ACOT7: variants seen among roughly 807,000 people sequenced by gnomAD.
ACOT7 encodes acyl-CoA thioesterase 7.
In ACOT7, 12 loss-of-function variants were observed where a neutral mutation model predicts 40.2. The observed-to-expected ratio is 0.30, with a 90% CI of 0.19 to 0.48. ACOT7 has a LOEUF of 0.48. Among genes scored for constraint, ACOT7 ranks in the 20% least tolerant of loss-of-function variants. The probability of loss-of-function intolerance (pLI) is 0.99; values close to 1 mark genes in which losing one functional copy is unlikely to be tolerated. For synonymous variants in ACOT7, 228 were observed against 219.5 expected (o/e 1.04, Z -0.34); for missense variants, 395 against 530.8 (o/e 0.74, Z 2.51).
At chr1:6,291,969 C>G (rs991132515) in intron 7 of ACOT7, among the ~76,000 whole-genome samples, 7 of 152,194 alleles carry the variant, frequency 4.6e-5, no homozygotes, top group African/African-American at 1.7e-4. Context: ...CATGATGACC[C>G]TGCTCTGACA....
chr1:6,353,881 G>C (rs1486767621), intron 1 of ACOT7, among the ~76,000 whole-genome samples: 3 of 152,054 alleles, frequency 2.0e-5, no homozygotes, highest in Non-Finnish European at 2.9e-5. Flanking sequence ...AGCTGCCCAG[G>C]GTGGGGCCTT....
chr1:6,266,467 A>T (rs1353743127), intron 8 of ACOT7, among the ~76,000 whole-genome samples: 4 of 152,258 alleles, frequency 2.6e-5, no homozygotes, highest in Non-Finnish European at 5.9e-5. Flanking sequence ...CCAGTCTTGT[A>T]AATGCAGATT....
intron 1 of ACOT7, among the ~76,000 whole-genome samples, chr1:6,363,810 C>T (rs910335692): frequency 6.6e-6 from 1 of 152,138 alleles, no homozygotes; most frequent in African/African-American, 2.4e-5. Context: ...TGGTAGTTGT[C>T]CCCCGGGCCC....
chr1:6,309,282 C>A (rs555397846), intron 6 of ACOT7, among the ~76,000 whole-genome samples: 9 of 152,266 alleles, frequency 5.9e-5, no homozygotes, highest in African/African-American at 2.2e-4. Context: ...GCTCTGATGG[C>A]CCAAACTTTA....
At chr1:6,390,891 G>A (rs978605380) in intron 1 of ACOT7, among the ~76,000 whole-genome samples, 29 of 152,198 alleles carry the variant, frequency 1.9e-4, no homozygotes, top group Middle Eastern at 3.4e-3. Context: ...AGCTGAGATC[G>A]TGCCATTGCA....
rs1442609863 is a variant in ACOT7 at position 6,299,279 on chromosome 1, G to A, written c.713-4299C>T. Reference sequence around the variant, plus strand: ...GGCAGCTGCTATCATGGGATGTGGGGATTTGGTGGACATCTGTTGAGCTGA... The same window carrying A: ...GGCAGCTGCTATCATGGGATGTGGGAATTTGGTGGACATCTGTTGAGCTGA... On this transcript the variant is annotated intron_variant, in intron 6 of 8. Transcript: ENST00000361521. The surrounding 1 kb of genome is among the most constrained non-coding windows in gnomAD (Gnocchi z 4.1). Among the ~76,000 whole-genome samples, 12 of 152,260 alleles carry A rather than the reference G, an allele frequency of 7.9e-5. No individual in the cohort carries two copies. The highest frequency in any genetic ancestry group is 1.9e-4 in the African/African-American group (8 of 41,470).
Position 6,297,426 on chromosome 1 carries a change from G to A in ACOT7, c.713-2446C>T, listed in dbSNP as rs146965807. ...GCGAAAACCAGACTTGTACAGTCACGTTTAGGGTGGGAATCAAATGCCCAC... is the reference window on the plus strand; with the variant it reads ...GCGAAAACCAGACTTGTACAGTCACATTTAGGGTGGGAATCAAATGCCCAC... On this transcript the variant is annotated intron_variant, in intron 6 of 8. Coordinates refer to ENST00000361521, the MANE Select transcript of ACOT7 (RefSeq NM_007274.4). Among the ~76,000 whole-genome samples, 144 of 152,296 alleles carry A rather than the reference G, an allele frequency of 9.5e-4. 1 individual carries two copies. Among genetic ancestry groups the A allele is most frequent in the African/African-American group, 3.0e-3 (124 of 41,554 alleles).
chr1:6,287,079 C>T (rs893539262), intron 7 of ACOT7, among the ~76,000 whole-genome samples: 1 of 152,248 alleles, frequency 6.6e-6, no homozygotes, highest in Admixed American at 6.5e-5. Flanking sequence ...AGCCACCGCG[C>T]CCAGCTTAAC....
intron 1 of ACOT7, among the ~76,000 whole-genome samples, chr1:6,377,545 T>C (rs1203862198): frequency 6.6e-6 from 1 of 152,102 alleles, no homozygotes; most frequent in African/African-American, 2.4e-5. Context: ...GGTTTATGAG[T>C]GTCACCACTT....
chr1:6,279,313 C>G (rs1168587496), intron 8 of ACOT7, among the ~76,000 whole-genome samples: 6 of 148,736 alleles, frequency 4.0e-5, no homozygotes, highest in African/African-American at 1.5e-4. Flanking sequence ...CACGGTGGGC[C>G]AGGGCAAGGC....
chr1:6,265,604 C>T (rs766783074), intron 8 of ACOT7, among the ~76,000 whole-genome samples: 27 of 73,436 alleles, frequency 3.7e-4, no homozygotes, highest in Non-Finnish European at 6.8e-4. Flanking sequence ...TGAACGGCAC[C>T]CCCTTTCACT....
At chr1:6,268,662 G>A (rs907248460) in intron 8 of ACOT7, among the ~76,000 whole-genome samples, 3 of 152,224 alleles carry the variant, frequency 2.0e-5, no homozygotes, top group Non-Finnish European at 4.4e-5. Flanking sequence ...ATGGGCCCCA[G>A]GCCCCACGCA....
intron 1 of ACOT7, chr1:6,385,899 C>T (rs1268113104): frequency 3.2e-6 from 4 of 1,245,898 alleles, no homozygotes; most frequent in Non-Finnish European, 2.1e-6. Context: ...ACCAGTGATG[C>T]AAGGAATCCA....
chr1:6,328,009 C>G (rs749007904), intron 4 of ACOT7, among the ~76,000 whole-genome samples: 1 of 151,978 alleles, frequency 6.6e-6, no homozygotes, highest in Non-Finnish European at 1.5e-5. Flanking sequence ...CTTGACCTTG[C>G]GATCTGCCCG....
intron 6 of ACOT7, among the ~76,000 whole-genome samples, chr1:6,303,445 T>G (rs1252409297): frequency 6.6e-6 from 1 of 151,990 alleles, no homozygotes; most frequent in Non-Finnish European, 1.5e-5. Flanking sequence ...TTTTTAAGTA[T>G]TGATCTGTCA....
chr1:6,378,898 A>G (rs1335610913), intron 1 of ACOT7, among the ~76,000 whole-genome samples: 1 of 151,080 alleles, frequency 6.6e-6, no homozygotes, highest in African/African-American at 2.4e-5. Flanking sequence ...TTGCTCAAGG[A>G]CTTTTTTTTT....
At chr1:6,316,456 T>C (rs537153540) in intron 6 of ACOT7, among the ~76,000 whole-genome samples, 6 of 152,210 alleles carry the variant, frequency 3.9e-5, no homozygotes, top group Admixed American at 1.3e-4. Flanking sequence ...CACCACTGAG[T>C]GGGAAGACGA....
Position 6,382,827 on chromosome 1 carries a change from C to T in ACOT7, c.143+10430G>A, listed in dbSNP as rs898836817. 1.8e-4 allele frequency among the ~76,000 whole-genome samples: 28 copies of T among 151,680 alleles called. 1 individual carries two copies. The highest frequency in any genetic ancestry group is 6.5e-4 in the African/African-American group (27 of 41,376). On this transcript the variant is annotated intron_variant, in intron 1 of 8. Coordinates refer to ENST00000361521, the MANE Select transcript of ACOT7 (RefSeq NM_007274.4). ...CTCAATTTAAAAAACAAAACAAAAC[C>T]TGCCATCTTAACCATATACATATAC...
At chr1:6,280,171 T>A (rs1207742296) in intron 8 of ACOT7, among the ~76,000 whole-genome samples, 2 of 152,222 alleles carry the variant, frequency 1.3e-5, no homozygotes, top group Non-Finnish European at 2.9e-5. Flanking sequence ...GGCACCCGCC[T>A]GCTCCCAGCT....
Sources: allele counts gnomAD v4.1 joint callset (sites outside exome capture counted in the v4.1 genomes callset), GRCh38; gene constraint gnomAD v4.1.1; non-coding constraint Gnocchi (gnomAD v3.1); transcripts MANE v1.5; gene names NCBI Gene and HGNC (gene_info 2026-07-23, HGNC 2026-07-21).